XYLT1: variants seen among roughly 807,000 people sequenced by gnomAD.
XYLT1 encodes the protein xylosyltransferase 1, also known as beta-D-xylosyltransferase 1.
XYLT1 carries 36 observed loss-of-function variants against 91.3 expected under a neutral mutation model. That is an observed-to-expected ratio of 0.39 (90% confidence interval 0.30 to 0.52). The LOEUF is 0.52. Among genes scored for constraint, XYLT1 ranks in the 20% least tolerant of loss-of-function variants. The pLI is 0.68. For missense variants in XYLT1, 1,242 were observed against 1,284.5 expected, an observed-to-expected ratio of 0.97 and a Z score of 0.51; for synonymous variants, 588 against 532.0, an observed-to-expected ratio of 1.11 and a Z score of -1.45.
chr16:17,115,820 A>AAAAAT (rs1966851014), intron 11 of XYLT1, among the ~76,000 whole-genome samples: 1 of 149,486 alleles, frequency 6.7e-6, no homozygotes, highest in Non-Finnish European at 1.5e-5. Context: ...AAAAAAAAAA[A>AAAAAT]AAAAAGACTT....
chr16:17,442,842 C>T (rs1376488697), intron 1 of XYLT1, among the ~76,000 whole-genome samples: 1 of 152,118 alleles, frequency 6.6e-6, no homozygotes, highest in Non-Finnish European at 1.5e-5. Context: ...CATGGCTTAA[C>T]CTTCCTCCAA....
intron 2 of XYLT1, among the ~76,000 whole-genome samples, chr16:17,289,337 T>C (rs1354382267): frequency 1.3e-5 from 2 of 152,214 alleles, no homozygotes; most frequent in East Asian, 3.9e-4. Context: ...GTGCCAGCTT[T>C]TTTCCCCTTT....
chr16:17,295,386 T>C lies in XYLT1; in HGVS notation c.403-35888A>G, dbSNP rs566339585. ...TGTTTTGTTTTTGGAGACAGATTCT[T>C]GCCCTGTCACACAGGCTGGAGTGCA... On this transcript the variant is annotated intron_variant, in intron 2 of 11. Transcript: ENST00000261381. 1.7e-3 allele frequency among the ~76,000 whole-genome samples: 256 copies of C among 152,222 alleles called. 1 individual carries two copies. Among genetic ancestry groups the C allele is most frequent in the African/African-American group, 5.9e-3 (243 of 41,526 alleles).
intron 5 of XYLT1, among the ~76,000 whole-genome samples, chr16:17,179,068 CA>C (rs78766186): frequency 0.083 from 9,845 of 119,162 alleles, 359 homozygotes; most frequent in African/African-American, 0.11. Context: ...GACCCTGTCT[CA>C]AAAAAAAAAA....
intron 2 of XYLT1, among the ~76,000 whole-genome samples, chr16:17,305,324 A>G (rs1167036485): frequency 6.6e-6 from 1 of 152,192 alleles, no homozygotes; most frequent in Non-Finnish European, 1.5e-5. Flanking sequence ...TCCTCTGGAT[A>G]AGAGCGAACA....
intron 3 of XYLT1, among the ~76,000 whole-genome samples, chr16:17,236,472 G>A (rs977886713): frequency 1.3e-5 from 2 of 151,836 alleles, no homozygotes; most frequent in African/African-American, 4.8e-5. Context: ...AGGGGACAGT[G>A]TGGAAAAACT....
At chr16:17,290,329 C>CA (rs1429123673) in intron 2 of XYLT1, among the ~76,000 whole-genome samples, 4 of 152,184 alleles carry the variant, frequency 2.6e-5, no homozygotes, top group African/African-American at 9.7e-5. Context: ...TCTAAAGCAC[C>CA]AAAGGCAGCG....
intron 1 of XYLT1, among the ~76,000 whole-genome samples, chr16:17,449,408 A>G (rs1019208894): frequency 2.0e-5 from 3 of 152,298 alleles, no homozygotes; most frequent in Non-Finnish European, 1.5e-5. Flanking sequence ...CACTTCCCCT[A>G]TGGGCTGCGG....
chr16:17,352,157 G>T lies in XYLT1; in HGVS notation c.402+5855C>A, dbSNP rs115752898. On this transcript the variant is annotated intron_variant, in intron 2 of 11. Transcript: ENST00000261381. ...GAAAAGGAAAAAGTCTCAGGTGATT[G>T]TCAGATGTCTCCTTGGCGGTCAAAA... Among the ~76,000 whole-genome samples, 751 of 152,244 alleles carry T rather than the reference G, an allele frequency of 4.9e-3. 6 individuals carry two copies. Among genetic ancestry groups the T allele is most frequent in the African/African-American group, 0.017 (699 of 41,522 alleles).
intron 9 of XYLT1, 32 bp downstream of exon 9, chr16:17,134,422 CCTCCCCTCCTGCTTCTCAG>C: frequency 6.2e-7 from 1 of 1,600,702 alleles, no homozygotes. Flanking sequence ...GTACCCTGAG[CCTCCCCTCCTGCTTCTCAG>C]CTCTCCTCTC....
intron 1 of XYLT1, among the ~76,000 whole-genome samples, chr16:17,427,174 G>A (rs2036329386): frequency 6.6e-6 from 1 of 152,238 alleles, no homozygotes; most frequent in African/African-American, 2.4e-5. Context: ...TGGTGAAATC[G>A]TGTCCACGGA....
chr16:17,289,056 C>T (rs1488411836), intron 2 of XYLT1, among the ~76,000 whole-genome samples: 1 of 152,200 alleles, frequency 6.6e-6, no homozygotes, highest in Non-Finnish European at 1.5e-5. Flanking sequence ...AAGTTTTCAT[C>T]CACGATGATC....
chr16:17,182,690 G>C (rs531352438), intron 5 of XYLT1, among the ~76,000 whole-genome samples: 3 of 134,144 alleles, frequency 2.2e-5, no homozygotes, highest in African/African-American at 8.1e-5. Flanking sequence ...AGGCATATGT[G>C]GGGGGTGGGG....
At chr16:17,400,680 T>G (rs71390574) in intron 1 of XYLT1, among the ~76,000 whole-genome samples, 25,049 of 131,266 alleles carry the variant, frequency 0.19, 2,893 homozygotes, top group Middle Eastern at 0.29. Context: ...AGGAAGGAAC[T>G]AACTAACTTG....
intron 11 of XYLT1, among the ~76,000 whole-genome samples, chr16:17,112,862 C>CG (rs779859239): frequency 6.6e-5 from 10 of 152,174 alleles, no homozygotes; most frequent in Non-Finnish European, 8.8e-5. Flanking sequence ...TTTTTTGAGA[C>CG]GGAGTCTCGC....
rs998617140 is a variant in XYLT1, at chr16:17,306,418, C to T, written c.403-46920G>A. The stretch of plus-strand genomic sequence containing the variant: ...CAGCGCTCTGGGAGGCCGAGGCAGG[C>T]GGCGCGCATGTGTATACTCCAAGCT... On this transcript the variant is annotated intron_variant, in intron 2 of 11. Coordinates refer to ENST00000261381, the MANE Select transcript of XYLT1 (RefSeq NM_022166.4). Among the ~76,000 whole-genome samples, 5 of 152,156 alleles carry T rather than the reference C, an allele frequency of 3.3e-5. No homozygotes were observed. In the South Asian group the frequency reaches 6.2e-4, roughly 19 times the overall value.
At position 17,256,656 on chromosome 16, in the gene XYLT1, AAAAC is replaced by A. The variant is rs1364729250; in HGVS notation, c.913+2328_913+2331del. On this transcript the variant is annotated intron_variant, in intron 3 of 11. Coordinates refer to ENST00000261381, the MANE Select transcript of XYLT1 (RefSeq NM_022166.4). ...AGAGTGAGACTCCGTCTCGAAAAAA[AAAAC>A]AAAAAAAAGAGTAGCGAATGAAGAG... is the stretch of plus-strand genomic sequence containing the variant. Among the ~76,000 whole-genome samples, 37 of 151,886 alleles carry A rather than the reference AAAAC, an allele frequency of 2.4e-4. 1 individual carries two copies. Among genetic ancestry groups the A allele is most frequent in the Non-Finnish European group, 4.1e-4 (28 of 67,918 alleles).
At chr16:17,227,978 G>A (rs191917302) in intron 3 of XYLT1, 1 of 152,330 alleles carries the variant, frequency 6.6e-6, no homozygotes, top group East Asian at 1.9e-4. Flanking sequence ...AAGTTCAGGA[G>A]ATTTTGGAGG....
chr16:17,453,523 C>T (rs906881841), intron 1 of XYLT1, among the ~76,000 whole-genome samples: 11 of 152,302 alleles, frequency 7.2e-5, no homozygotes, highest in Admixed American at 1.3e-4. Flanking sequence ...CAGAAACTGA[C>T]ACAGGATCCT....
Sources: allele counts gnomAD v4.1 joint callset (sites outside exome capture counted in the v4.1 genomes callset), GRCh38; gene constraint gnomAD v4.1.1; transcripts MANE v1.5; gene names NCBI Gene and HGNC (gene_info 2026-07-23, HGNC 2026-07-21).